The following THADA variants were observed in gnomAD, a reference collection of about 807,000 sequenced individuals.
THADA encodes the protein tRNA (32-2'-O)-methyltransferase regulator THADA.
Under a neutral mutation model 219.8 loss-of-function variants are expected in THADA, and 213 were observed. The ratio of observed to expected loss-of-function variants is 0.97; its 90% CI spans 0.87 to 1.09. The LOEUF is 1.09. Ranked by LOEUF, THADA falls within the 50% of genes least tolerant of loss-of-function variation. The pLI is 0.00. For missense variants in THADA, 2,956 were observed against 2,311.3 expected, an observed-to-expected ratio of 1.28 and a Z score of -5.72; for synonymous variants, 1,018 against 828.9, an observed-to-expected ratio of 1.23 and a Z score of -3.92.
rs888225311 is a variant in THADA, at chr2:43,552,767, TAATTA to T, written c.2675-433_2675-429del. The stretch of plus-strand genomic sequence containing the variant: ...AGTCACATATGTACAACCATCACCA[TAATTA>T]ATTTTAGAACATTTTCACTGCCCTC... On this transcript the variant is annotated intron_variant, in intron 17 of 37. Transcript: ENST00000405975. Among the ~76,000 whole-genome samples, 19 of 151,856 alleles carry T rather than the reference TAATTA, an allele frequency of 1.3e-4. No individual in the cohort carries two copies. The East Asian group carries it at 1.5e-3, about 12-fold the overall frequency.
intron 21 of THADA, among the ~76,000 whole-genome samples, chr2:43,534,938 C>G: frequency 6.6e-6 from 1 of 152,060 alleles, no homozygotes; most frequent in East Asian, 1.9e-4. Flanking sequence ...TCCACAGTAG[C>G]TATACTAGTT....
intron 31 of THADA, among the ~76,000 whole-genome samples, chr2:43,310,235 C>CA (rs1021634308): frequency 3.2e-5 from 4 of 126,564 alleles, no homozygotes; most frequent in East Asian, 5.4e-4. Flanking sequence ...CGCCCCCCCC[C>CA]CAAACAAGCT....
At chr2:43,370,103 C>A (rs560547652) in intron 29 of THADA, 1 of 152,278 alleles carries the variant, frequency 6.6e-6, no homozygotes, top group South Asian at 2.1e-4. Flanking sequence ...AAAAAAACTC[C>A]ACGTCTTAAA....
chr2:43,532,553 C>A (rs1421503632), intron 21 of THADA, among the ~76,000 whole-genome samples: 1 of 152,078 alleles, frequency 6.6e-6, no homozygotes, highest in Non-Finnish European at 1.5e-5. Flanking sequence ...ATTCAATACC[C>A]CTTCATGCTA....
chr2:43,367,995 G>A (rs1403281753), intron 29 of THADA, among the ~76,000 whole-genome samples: 1 of 152,062 alleles, frequency 6.6e-6, no homozygotes, highest in South Asian at 2.1e-4. Flanking sequence ...GCAAGCACCT[G>A]TAATCCCAGC....
At chr2:43,373,271 T>C (rs915549024) in intron 29 of THADA, among the ~76,000 whole-genome samples, 14 of 152,142 alleles carry the variant, frequency 9.2e-5, no homozygotes, top group East Asian at 1.9e-4. Context: ...TAAATGATGT[T>C]CAAGAATTAA....
intron 17 of THADA, chr2:43,556,109 G>A (rs1697307509): frequency 1.1e-6 from 1 of 940,440 alleles, no homozygotes; most frequent in Non-Finnish European, 1.4e-6. Flanking sequence ...TTTCAAAAGA[G>A]CTTTATTAAT....
intron 8 of THADA, among the ~76,000 whole-genome samples, chr2:43,579,212 C>A (rs1209762459): frequency 1.3e-5 from 2 of 152,170 alleles, no homozygotes; most frequent in Non-Finnish European, 2.9e-5. Context: ...CACTTTCTTC[C>A]TCGCCAACTA....
At chr2:43,385,908 C>A (rs1166305732) in intron 29 of THADA, among the ~76,000 whole-genome samples, 1 of 151,490 alleles carries the variant, frequency 6.6e-6, no homozygotes, top group Non-Finnish European at 1.5e-5. Context: ...TAATCTTAGA[C>A]CTTTTTAGAA....
Position 43,316,592 on chromosome 2 carries a change from G to A in THADA, c.4438+3854C>T, listed in dbSNP as rs551359544. 3.9e-5 allele frequency among the ~76,000 whole-genome samples: 6 copies of A among 152,262 alleles called. No individual in the cohort carries two copies. The East Asian group carries it at 9.7e-4, about 24-fold the overall frequency. On this transcript the variant is annotated intron_variant, in intron 31 of 37. Coordinates refer to ENST00000405975, the MANE Select transcript of THADA (RefSeq NM_022065.5). ...CGAGGAGGTGAACACAATGCTGCACGGCTGGAGGAGACTGGATTAGATGCA... is the reference window on the plus strand; with the variant it reads ...CGAGGAGGTGAACACAATGCTGCACAGCTGGAGGAGACTGGATTAGATGCA...
At chr2:43,425,620 T>C (rs1334148126) in intron 28 of THADA, among the ~76,000 whole-genome samples, 1 of 152,166 alleles carries the variant, frequency 6.6e-6, no homozygotes, top group Admixed American at 6.5e-5. Flanking sequence ...TTTACTGAAA[T>C]CAGAATTTAT....
chr2:43,546,793 C>G (rs1216729250), intron 20 of THADA, among the ~76,000 whole-genome samples: 1 of 152,172 alleles, frequency 6.6e-6, no homozygotes, highest in Non-Finnish European at 1.5e-5. Flanking sequence ...TTCCTGAATA[C>G]AGCACACTGA....
chr2:43,449,049 T>C (rs1681969572), intron 26 of THADA, among the ~76,000 whole-genome samples: 1 of 151,884 alleles, frequency 6.6e-6, no homozygotes, highest in Non-Finnish European at 1.5e-5. Flanking sequence ...CTTGAAGCTG[T>C]TCAAAAAACT....
intron 8 of THADA, 115 bp downstream of exon 8, chr2:43,581,626 C>G: frequency 1.2e-6 from 1 of 857,222 alleles, no homozygotes; most frequent in Non-Finnish European, 1.7e-6. Context: ...TGAGTAAGGA[C>G]ACATTCCACA....
At chr2:43,489,710 T>G (rs988934439) in intron 25 of THADA, among the ~76,000 whole-genome samples, 2 of 152,140 alleles carry the variant, frequency 1.3e-5, no homozygotes, top group Non-Finnish European at 2.9e-5. Context: ...CCTAATCTGC[T>G]GATTTATGTG....
chr2:43,477,317 T>C (rs1685669658), intron 26 of THADA, among the ~76,000 whole-genome samples: 1 of 152,186 alleles, frequency 6.6e-6, no homozygotes, highest in Non-Finnish European at 1.5e-5. Context: ...ATGCTCATAC[T>C]GCATGCTATA....
intron 30 of THADA, among the ~76,000 whole-genome samples, chr2:43,336,568 G>A (rs1015616200): frequency 1.3e-5 from 2 of 151,824 alleles, no homozygotes; most frequent in Non-Finnish European, 2.9e-5. Flanking sequence ...CACTGCACTC[G>A]TCCCCAATTT....
intron 36 of THADA, among the ~76,000 whole-genome samples, chr2:43,268,496 A>C (rs371796461): frequency 1.3e-5 from 2 of 152,106 alleles, no homozygotes; most frequent in East Asian, 3.8e-4. Flanking sequence ...TGCCATGGGG[A>C]CTGCTGTAGT....
At chr2:43,256,361 T>C (rs1416542060) in intron 36 of THADA, among the ~76,000 whole-genome samples, 1 of 152,150 alleles carries the variant, frequency 6.6e-6, no homozygotes, top group Non-Finnish European at 1.5e-5. Flanking sequence ...CTTTTTTTTT[T>C]TTTAAACCAG....
Sources: gnomAD v4.1 joint callset for allele counts (sites outside exome capture counted in the v4.1 genomes callset) on GRCh38, gnomAD v4.1.1 for gene constraint, MANE v1.5 for transcripts, NCBI Gene and HGNC (gene_info 2026-07-23, HGNC 2026-07-21) for gene names.